RARB: variants seen among roughly 807,000 people sequenced by gnomAD.
The protein encoded by RARB is HBV-activated protein.
RARB carries 17 observed loss-of-function variants against 51.9 expected under a neutral mutation model. The ratio of observed to expected loss-of-function variants is 0.33; its 90% confidence interval spans 0.22 to 0.49. The LOEUF (loss-of-function observed/expected upper bound fraction) is 0.49. Among genes scored for constraint, RARB ranks in the 20% least tolerant of loss-of-function variants. The pLI is 0.99. For missense variants in RARB, 369 were observed against 550.8 expected (o/e 0.67, Z 3.30); for synonymous variants, 215 against 195.4 (o/e 1.10, Z -0.84).
intron 2 of RARB, among the ~76,000 whole-genome samples, chr3:25,041,461 T>TAAC (rs1229513537): frequency 6.6e-6 from 1 of 151,536 alleles, no homozygotes; most frequent in East Asian, 1.9e-4. Flanking sequence ...CTAACTGCAA[T>TAAC]AACTGGTCTG....
chr3:25,594,653 A>G lies in RARB; in HGVS notation c.1125A>G (p.Thr375=), dbSNP rs770794259. Residue 375 remains threonine, a synonymous_variant, in exon 7 of 8, where the codon ACA becomes ACG. Transcript: ENST00000330688. The stretch of plus-strand genomic sequence containing the variant: ...TTCCAAAGATCTTAATGAAAATCAC[A>G]GATCTCCGTAGCATCAGTGCTAAAG... ...HMFPKILMKI[T]DLRSISAKGA... 6.2e-7 allele frequency: 1 copy of G among 1,613,170 alleles called. No homozygotes were observed. Among genetic ancestry groups the G allele is most frequent in the Non-Finnish European group, 8.5e-7 (1 of 1,179,676 alleles).
intron 3 of RARB, among the ~76,000 whole-genome samples, chr3:25,066,879 G>A (rs182129842): frequency 8.9e-4 from 136 of 152,120 alleles, no homozygotes; most frequent in Non-Finnish European, 1.2e-4. Flanking sequence ...TTGGCTCACC[G>A]GTCTGGTCAT....
chr3:25,157,007 C>A (rs1040064281), intron 4 of RARB, among the ~76,000 whole-genome samples: 1 of 152,124 alleles, frequency 6.6e-6, no homozygotes, highest in Non-Finnish European at 1.5e-5. Flanking sequence ...CACGTTCATA[C>A]GTTTGTCATT....
intron 2 of RARB, among the ~76,000 whole-genome samples, chr3:24,942,694 C>T (rs186585501): frequency 2.3e-4 from 35 of 152,194 alleles, no homozygotes; most frequent in Admixed American, 5.9e-4. Context: ...TTGTTAAATA[C>T]GCACTATGTT....
chr3:24,870,277 T>A (rs142344716), intron 2 of RARB, among the ~76,000 whole-genome samples: 9 of 152,240 alleles, frequency 5.9e-5, no homozygotes, highest in South Asian at 2.1e-4. Context: ...CCTATGAACA[T>A]CTTTAAATCT....
chr3:25,460,016 T>C (rs554677159), intron 1 of RARB, among the ~76,000 whole-genome samples: 1 of 152,330 alleles, frequency 6.6e-6, no homozygotes, highest in Non-Finnish European at 1.5e-5. Flanking sequence ...AACTCCCATT[T>C]CCCATGGAAT....
At chr3:25,554,481 G>A (rs538267031) in intron 3 of RARB, among the ~76,000 whole-genome samples, 3 of 151,892 alleles carry the variant, frequency 2.0e-5, no homozygotes, top group East Asian at 3.9e-4. Flanking sequence ...CTCTTTTTGC[G>A]CTACAAGGGC....
intron 5 of RARB, among the ~76,000 whole-genome samples, chr3:25,234,118 A>T (rs1449726069): frequency 6.6e-6 from 1 of 152,088 alleles, no homozygotes; most frequent in African/African-American, 2.4e-5. Flanking sequence ...TTTCTGAATG[A>T]GATTATGTGG....
At chr3:24,861,343 C>T (rs192866524) in intron 2 of RARB, among the ~76,000 whole-genome samples, 7 of 152,036 alleles carry the variant, frequency 4.6e-5, no homozygotes, top group Admixed American at 3.9e-4. Context: ...CTTCGGGGAG[C>T]CCTGAATCAG....
chr3:25,175,532 A>G (rs1323947700), intron 5 of RARB, among the ~76,000 whole-genome samples: 1 of 152,192 alleles, frequency 6.6e-6, no homozygotes, highest in Non-Finnish European at 1.5e-5. Context: ...GCCTTCAGTC[A>G]TTCCTTCTAC....
chr3:24,966,051 T>G (rs573030629), intron 2 of RARB, among the ~76,000 whole-genome samples: 2 of 152,292 alleles, frequency 1.3e-5, no homozygotes, highest in East Asian at 3.9e-4. Flanking sequence ...GGGAAACATA[T>G]TCAGAAAGTT....
chr3:25,483,928 C>T (rs901628941), intron 2 of RARB, among the ~76,000 whole-genome samples: 1 of 152,106 alleles, frequency 6.6e-6, no homozygotes, highest in Admixed American at 6.5e-5. Flanking sequence ...ATATTTGCAG[C>T]GTAATTTGCT....
chr3:25,293,621 T>C (rs1466879875), intron 5 of RARB, among the ~76,000 whole-genome samples: 1 of 48,128 alleles, frequency 2.1e-5, no homozygotes, highest in Non-Finnish European at 6.0e-5. Context: ...AAAAAAAAGT[T>C]CAGAGATAGG....
At chr3:25,214,660 T>A (rs1559508865) in intron 5 of RARB, among the ~76,000 whole-genome samples, 1 of 152,196 alleles carries the variant, frequency 6.6e-6, no homozygotes, top group South Asian at 2.1e-4. Flanking sequence ...TGGGTGGAGC[T>A]GGCTCAATTT....
intron 4 of RARB, among the ~76,000 whole-genome samples, chr3:25,160,879 A>G (rs1000595269): frequency 9.2e-5 from 14 of 152,008 alleles, no homozygotes; most frequent in African/African-American, 3.4e-4. Flanking sequence ...TTCAAAGCAC[A>G]TCACCCCAAA....
At chr3:25,074,389 TACTG>T (rs1317778240) in intron 3 of RARB, among the ~76,000 whole-genome samples, 5 of 152,206 alleles carry the variant, frequency 3.3e-5, no homozygotes, top group Non-Finnish European at 5.9e-5. Flanking sequence ...GGACAGTTGC[TACTG>T]ACTATTAAGA....
At chr3:25,187,258 T>G (rs995155279) in intron 5 of RARB, among the ~76,000 whole-genome samples, 8 of 152,024 alleles carry the variant, frequency 5.3e-5, no homozygotes, top group African/African-American at 1.7e-4. Context: ...CCTGTTAAAA[T>G]CTAAAATAAA....
At chr3:25,554,360 A>G (rs1699967702) in intron 3 of RARB, among the ~76,000 whole-genome samples, 1 of 152,028 alleles carries the variant, frequency 6.6e-6, no homozygotes, top group South Asian at 2.1e-4. Context: ...TTTTTAGTGT[A>G]CAGGTCAGCC....
At chr3:25,014,152 T>A (rs1423970101) in intron 2 of RARB, among the ~76,000 whole-genome samples, 5 of 152,106 alleles carry the variant, frequency 3.3e-5, no homozygotes, top group African/African-American at 4.8e-5. Flanking sequence ...GTGGCATATG[T>A]TTTTTCCCCA....
Sources: allele counts gnomAD v4.1 joint callset (sites outside exome capture counted in the v4.1 genomes callset), GRCh38; gene constraint gnomAD v4.1.1; transcripts MANE v1.5; gene names NCBI Gene and HGNC (gene_info 2026-07-23, HGNC 2026-07-21).